The following TERF2 variants were observed in gnomAD, a reference collection of about 807,000 sequenced individuals.
TERF2 encodes telomeric repeat-binding factor 2.
In TERF2, 16 loss-of-function variants were observed where a neutral mutation model predicts 56.1. The ratio of observed to expected loss-of-function variants is 0.29; its 90% confidence interval spans 0.19 to 0.43. The LOEUF (loss-of-function observed/expected upper bound fraction) is 0.43, where lower values mean the gene tolerates loss of function less well. Ranked by LOEUF, TERF2 falls within the 20% of genes least tolerant of loss-of-function variation. TERF2 has a pLI of 1.00. For synonymous variants in TERF2, 296 were observed against 282.1 expected (o/e 1.05, Z -0.50); for missense variants, 547 against 712.9 (o/e 0.77, Z 2.65).
intron 8 of TERF2, among the ~76,000 whole-genome samples, chr16:69,360,041 G>A (rs2013073548): frequency 1.3e-5 from 2 of 152,084 alleles, no homozygotes; most frequent in South Asian, 4.2e-4. Context: ...GGGATTACAG[G>A]CATGAGCCAC....
At chr16:69,384,449 G>T in intron 3 of TERF2, 131 bp downstream of exon 3, 1 of 936,116 alleles carries the variant, frequency 1.1e-6, no homozygotes, top group Non-Finnish European at 1.5e-6. Context: ...GTCTGTGTGT[G>T]TGCTTTCTTG....
intron 3 of TERF2, among the ~76,000 whole-genome samples, chr16:69,380,720 C>G (rs973391393): frequency 5.3e-5 from 8 of 150,956 alleles, no homozygotes; most frequent in African/African-American, 1.5e-4. Context: ...CCATGGATGA[C>G]TTCATAACAT....
Position 69,385,431 on chromosome 16 carries a change from A to G in TERF2, c.435T>C (p.Val145=), listed in dbSNP as rs143613060. The change falls in exon 2 of 10, where the codon GTT becomes GTC. Residue 145 remains valine, a synonymous_variant. Transcript: ENST00000254942. ...CTTCAATCCGCGACAGACACTGCAT[A>G]ACCCGCAGCAATCGGGACACGGTGT... ...KEHTVSRLLR[V]MQCLSRIEEG... 1.1e-5 allele frequency: 18 copies of G among 1,614,066 alleles called. No individual in the cohort carries two copies. Among genetic ancestry groups the G allele is most frequent in the Middle Eastern group, 1.6e-4 (1 of 6,084 alleles).
chr16:69,358,075 C>G (rs998803196), intron 8 of TERF2, among the ~76,000 whole-genome samples: 7 of 151,734 alleles, frequency 4.6e-5, no homozygotes, highest in African/African-American at 1.5e-4. Context: ...TGCAGTGGAG[C>G]GATCTCGGCT....
At chr16:69,368,171 A>C (rs951893384) in intron 6 of TERF2, among the ~76,000 whole-genome samples, 5 of 152,238 alleles carry the variant, frequency 3.3e-5, no homozygotes, top group Admixed American at 1.3e-4. Context: ...AGGAATGGCC[A>C]GTCAGGAAGT....
chr16:69,370,627 C>G lies in TERF2; in HGVS notation c.696G>C (p.Lys232Asn). 6.2e-7 allele frequency: 1 copy of G among 1,606,382 alleles called. No individual in the cohort carries two copies. The highest frequency in any genetic ancestry group is 8.5e-7 in the Non-Finnish European group (1 of 1,176,844). Residue 232 changes from lysine to asparagine, a missense_variant and splice_region_variant, in exon 5 of 10, where the codon AAG (lysine) becomes AAC (asparagine). Around this residue, in one of 6 missense-constraint regions of TERF2, gnomAD observed 97 missense variants for 157.0 expected, o/e 0.62. Coordinates refer to ENST00000254942, the MANE Select transcript of TERF2 (RefSeq NM_005652.5). ...TAATATTCAGGAGATCATTTCTCAG[C>G]TTCTACACAATGGACCGATATTTGC... is the stretch of plus-strand genomic sequence containing the variant. ...KHMSKDPTTQ[K>N]LRNDLLNIIR...
Position 69,384,693 on chromosome 16 carries a change from C to T in TERF2, c.493G>A (p.Glu165Lys). ...GATTCCAGTGGTGTGAGCTCAGCCT[C>T]CATATCAAAGGAACAGTCTAGGACA... ...GENLDCSFDM[E>K]AELTPLESAI... The change falls in exon 3 of 10, where the codon GAG (glutamate) becomes AAG (lysine). Residue 165 changes from glutamate to lysine, a missense_variant. By Grantham distance (56) the Glu-to-Lys change is moderately conservative. Around this residue, in one of 6 missense-constraint regions of TERF2, gnomAD observed 97 missense variants for 157.0 expected, o/e 0.62. Transcript: ENST00000254942. 1 of 1,613,896 alleles carries T rather than the reference C, an allele frequency of 6.2e-7. No homozygotes were observed. Among genetic ancestry groups the T allele is most frequent in the Non-Finnish European group, 8.5e-7 (1 of 1,179,950 alleles).
At chr16:69,368,352 G>T in intron 6 of TERF2, 24 bp downstream of exon 6, 5 of 1,609,824 alleles carry the variant, frequency 3.1e-6, no homozygotes, top group Non-Finnish European at 4.2e-6. Context: ...TTTTACCCAA[G>T]ATCACAAGAG....
In TERF2 at chr16:69,366,977, C is replaced by A. The variant is rs756185060; in HGVS notation, c.1170G>T (p.Ser390=). Residue 390 remains serine, a synonymous_variant, in exon 7 of 10, where the codon TCG becomes TCT. Transcript: ENST00000254942. ...TGCGCTTGTTCTTGGGCTGCAGTTC[C>A]GAGCCACCCTCACCGTCAGCCGGGG... is the stretch of plus-strand genomic sequence containing the variant. ...SSAPADGEGG[S]ELQPKNKRMT... 6.2e-7 allele frequency: 1 copy of A among 1,614,192 alleles called. No homozygotes were observed. The highest frequency in any genetic ancestry group is 8.5e-7 in the Non-Finnish European group (1 of 1,180,026).
chr16:69,380,284 G>A (rs1255596583), intron 3 of TERF2, among the ~76,000 whole-genome samples: 1 of 152,110 alleles, frequency 6.6e-6, no homozygotes, highest in Non-Finnish European at 1.5e-5. Context: ...TATTTTAATA[G>A]CTTTTTCAGA....
chr16:69,385,808 C>A lies in TERF2; in HGVS notation c.164G>T (p.Arg55Leu). 7.7e-7 allele frequency: 1 copy of A among 1,304,940 alleles called. No homozygotes were observed. The highest frequency in any genetic ancestry group is 9.7e-7 in the Non-Finnish European group (1 of 1,026,526). The allele number at this position is 1,304,940 out of a possible 1,614,324, so 80.8% of individuals were successfully genotyped here. The change falls in exon 1 of 10, where the codon CGG (arginine) becomes CTG (leucine). Residue 55 changes from arginine to leucine, a missense_variant. Around this residue, in one of 6 missense-constraint regions of TERF2, gnomAD observed 120 missense variants for 172.4 expected, o/e 0.70. Coordinates refer to ENST00000254942, the MANE Select transcript of TERF2 (RefSeq NM_005652.5). ...GCGGGACGCCCGCCTGCCAGCTGCC[C>A]GCCCGCTGCCGTCGCTACTCCCGCC... ...GGGGSSDGSGRAAGRRASRSS... is the reference protein window; with the variant it reads ...GGGGSSDGSGLAAGRRASRSS...
In TERF2 at chr16:69,367,187, A is replaced by G. The variant is rs765208461; in HGVS notation, c.960T>C (p.Asn320=). ...PPREPARQLR[N]PPTTIGMMTL... ...TCATCATTCCAATGGTGGTTGGAGG[A>G]TTCCGTAGCTGCCTGCAAATCAAGC... The change falls in exon 7 of 10, where the codon AAT becomes AAC. Residue 320 remains asparagine, a synonymous_variant. Coordinates refer to ENST00000254942, the MANE Select transcript of TERF2 (RefSeq NM_005652.5). 1.2e-6 allele frequency: 2 copies of G among 1,606,014 alleles called. No individual in the cohort carries two copies. The highest frequency in any genetic ancestry group is 3.4e-5 in the Admixed American group (2 of 59,460).
intron 6 of TERF2, 45 bp downstream of exon 6, chr16:69,368,330 AC>A: frequency 6.3e-7 from 1 of 1,586,226 alleles, no homozygotes; most frequent in Non-Finnish European, 8.6e-7. Context: ...GCTTCCAGCG[AC>A]CACCCTAGTG....
chr16:69,374,062 T>C (rs934221306), intron 3 of TERF2, among the ~76,000 whole-genome samples: 1 of 152,204 alleles, frequency 6.6e-6, no homozygotes, highest in Non-Finnish European at 1.5e-5. Context: ...AGGTACAAAG[T>C]AAGTCTTCAT....
chr16:69,361,890 C>A (rs74027310), intron 7 of TERF2, among the ~76,000 whole-genome samples: 1,535 of 151,354 alleles, frequency 0.01, 32 homozygotes, highest in African/African-American at 0.035. Context: ...TTTTCCGTTT[C>A]CATTCCCCCT....
At chr16:69,379,720 AAACT>A (rs2013924875) in intron 3 of TERF2, among the ~76,000 whole-genome samples, 2 of 152,216 alleles carry the variant, frequency 1.3e-5, no homozygotes, top group African/African-American at 4.8e-5. Context: ...AAATAACAAT[AAACT>A]AATTACAAGG....
intron 7 of TERF2, chr16:69,365,349 G>A (rs2013302957): frequency 6.6e-6 from 1 of 152,202 alleles, no homozygotes; most frequent in Non-Finnish European, 1.5e-5. Context: ...CTGTGCCTGA[G>A]GATAAATCAC....
chr16:69,373,806 T>C (rs1218122736), intron 3 of TERF2, among the ~76,000 whole-genome samples: 1 of 152,106 alleles, frequency 6.6e-6, no homozygotes, highest in Admixed American at 6.5e-5. Flanking sequence ...GCACTCCAGC[T>C]TGGGCGAAAG....
At chr16:69,377,066 G>A (rs912088947) in intron 3 of TERF2, among the ~76,000 whole-genome samples, 12 of 151,846 alleles carry the variant, frequency 7.9e-5, no homozygotes, top group East Asian at 2.0e-4. Flanking sequence ...AGCCAGGTGC[G>A]GTGGCACATG....
Sources: gnomAD v4.1 joint callset for allele counts (sites outside exome capture counted in the v4.1 genomes callset) on GRCh38, gnomAD v4.1.1 for gene constraint, gnomAD v4.1.1 regional missense constraint, MANE v1.5 for transcripts, NCBI Gene and HGNC (gene_info 2026-07-23, HGNC 2026-07-21) for gene names.